Variants in GFRAL observed in about 807,000 individuals in gnomAD.
The protein encoded by GFRAL is GDNF family receptor alpha like.
GFRAL carries 36 observed loss-of-function variants against 45.4 expected under a neutral mutation model. The observed-to-expected ratio is 0.79, with a 90% confidence interval of 0.61 to 1.05. The LOEUF (loss-of-function observed/expected upper bound fraction) is 1.05, where lower values mean the gene tolerates loss of function less well. Among genes scored for constraint, GFRAL ranks in the 50% least tolerant of loss-of-function variants. The pLI, the probability that GFRAL is intolerant of heterozygous loss-of-function variation, is 0.00. For synonymous variants in GFRAL, 166 were observed against 154.1 expected (o/e 1.08, Z -0.57); for missense variants, 507 against 467.5 (o/e 1.08, Z -0.78).
At chr6:55,329,837 A>C (rs1463007432) in intron 1 of GFRAL, among the ~76,000 whole-genome samples, 1 of 152,090 alleles carries the variant, frequency 6.6e-6, no homozygotes, top group African/African-American at 2.4e-5. Flanking sequence ...AGATTTGCAA[A>C]GAGGTAAGAT....
At chr6:55,398,032 G>A (rs545517669) in intron 6 of GFRAL, among the ~76,000 whole-genome samples, 2 of 152,238 alleles carry the variant, frequency 1.3e-5, no homozygotes, top group South Asian at 4.2e-4. Flanking sequence ...TATAGCCTAG[G>A]CATGTGGTAG....
chr6:55,352,468 G>A (rs1465500343), intron 5 of GFRAL, among the ~76,000 whole-genome samples: 1 of 151,956 alleles, frequency 6.6e-6, no homozygotes, highest in East Asian at 1.9e-4. Context: ...GCAGATGCTG[G>A]GTGCTTATGA....
Position 55,397,254 on chromosome 6 carries a change from C to T in GFRAL, c.953-1926C>T, listed in dbSNP as rs1768838234. The stretch of plus-strand genomic sequence containing the variant: ...AAAATGCCGGCCGGGCGCGGTGGCT[C>T]ACGCCTGTAATCCCAGCACTTTGGG... On this transcript the variant is annotated intron_variant, in intron 6 of 8. Coordinates refer to ENST00000340465, the MANE Select transcript of GFRAL (RefSeq NM_207410.2). 2.6e-5 allele frequency among the ~76,000 whole-genome samples: 4 copies of T among 151,178 alleles called. No individual in the cohort carries two copies. The South Asian group carries it at 6.2e-4, about 24-fold the overall frequency.
At chr6:55,396,264 T>G (rs142610756) in intron 6 of GFRAL, among the ~76,000 whole-genome samples, 51 of 152,340 alleles carry the variant, frequency 3.3e-4, no homozygotes, top group African/African-American at 1.2e-3. Context: ...CACTGATCTA[T>G]TATAACGTTG....
At chr6:55,331,051 A>G (rs1351862470) in intron 1 of GFRAL, among the ~76,000 whole-genome samples, 1 of 152,182 alleles carries the variant, frequency 6.6e-6, no homozygotes, top group Non-Finnish European at 1.5e-5. Context: ...ACATTCAAGT[A>G]GAGATAACAA....
At chr6:55,368,889 C>A (rs1486629424) in intron 6 of GFRAL, among the ~76,000 whole-genome samples, 8 of 152,072 alleles carry the variant, frequency 5.3e-5, no homozygotes, top group Admixed American at 3.3e-4. Flanking sequence ...TTACTGCTGT[C>A]TTTTTGTTTG....
At chr6:55,395,169 A>T (rs1261508598) in intron 6 of GFRAL, among the ~76,000 whole-genome samples, 2 of 94,326 alleles carry the variant, frequency 2.1e-5, no homozygotes, top group Non-Finnish European at 4.1e-5. Context: ...ATGGAAAAAA[A>T]AAAAAAATAT....
intron 6 of GFRAL, among the ~76,000 whole-genome samples, chr6:55,395,993 T>C (rs1040003983): frequency 3.3e-5 from 5 of 152,130 alleles, no homozygotes; most frequent in African/African-American, 1.2e-4. Context: ...TGTTTATCTA[T>C]AAATAGAGCA....
intron 3 of GFRAL, among the ~76,000 whole-genome samples, chr6:55,338,802 A>C (rs749126631): frequency 5.9e-5 from 9 of 152,184 alleles, no homozygotes; most frequent in Non-Finnish European, 1.2e-4. Context: ...AAAGTATTTA[A>C]CACTGGAAAG....
chr6:55,372,269 A>G (rs1768461320), intron 6 of GFRAL, among the ~76,000 whole-genome samples: 1 of 152,182 alleles, frequency 6.6e-6, no homozygotes, highest in Non-Finnish European at 1.5e-5. Context: ...AAGTACTGCT[A>G]TAATCTTCCC....
At chr6:55,384,271 A>G (rs543702112) in intron 6 of GFRAL, among the ~76,000 whole-genome samples, 1 of 147,300 alleles carries the variant, frequency 6.8e-6, no homozygotes, top group Non-Finnish European at 1.5e-5. Flanking sequence ...TAAAGTATAT[A>G]AAAAAAACTC....
chr6:55,368,418 G>A (rs1183728328), intron 6 of GFRAL, among the ~76,000 whole-genome samples: 9 of 151,774 alleles, frequency 5.9e-5, no homozygotes, highest in East Asian at 1.9e-4. Context: ...TAATTTGATC[G>A]TTTGAAGCCT....
intron 6 of GFRAL, among the ~76,000 whole-genome samples, chr6:55,397,524 C>CAAAAAAAAAA (rs70986715): frequency 4.4e-5 from 3 of 67,422 alleles, no homozygotes; most frequent in South Asian, 7.8e-4. Context: ...GACTCCGTCT[C>CAAAAAAAAAA]AAAAAAAAAA....
At chr6:55,367,070 G>T (rs1232222384) in intron 6 of GFRAL, among the ~76,000 whole-genome samples, 2 of 71,154 alleles carry the variant, frequency 2.8e-5, no homozygotes, top group Non-Finnish European at 5.2e-5. Flanking sequence ...TAATGTGTGG[G>T]AGTCTAAGTC....
At chr6:55,387,580 G>T (rs73744246) in intron 6 of GFRAL, among the ~76,000 whole-genome samples, 4,095 of 152,074 alleles carry the variant, frequency 0.027, 187 homozygotes, top group African/African-American at 0.09. Flanking sequence ...TCTTAAAGAG[G>T]GACTCTTTAG....
intron 3 of GFRAL, among the ~76,000 whole-genome samples, chr6:55,336,561 A>T (rs1435056906): frequency 2.6e-5 from 4 of 152,208 alleles, no homozygotes; most frequent in African/African-American, 9.7e-5. Context: ...TTATATAGAA[A>T]TACAATTAAT....
At chr6:55,345,940 A>T (rs1768035518) in intron 3 of GFRAL, among the ~76,000 whole-genome samples, 1 of 152,244 alleles carries the variant, frequency 6.6e-6, no homozygotes, top group Non-Finnish European at 1.5e-5. Context: ...ACATGAAAAA[A>T]TGCTCACTAT....
intron 6 of GFRAL, among the ~76,000 whole-genome samples, chr6:55,377,500 A>G (rs1413464112): frequency 6.6e-6 from 1 of 152,054 alleles, no homozygotes; most frequent in Non-Finnish European, 1.5e-5. Flanking sequence ...AAGTTTACAG[A>G]TGCTTCTTCA....
At chr6:55,369,027 G>C (rs1023185790) in intron 6 of GFRAL, among the ~76,000 whole-genome samples, 8 of 152,004 alleles carry the variant, frequency 5.3e-5, no homozygotes, top group Middle Eastern at 3.4e-3. Context: ...AATGGCGGGC[G>C]CCCCTACCCC....
Sources: allele counts gnomAD v4.1 joint callset (sites outside exome capture counted in the v4.1 genomes callset), GRCh38; gene constraint gnomAD v4.1.1; transcripts MANE v1.5; gene names NCBI Gene and HGNC (gene_info 2026-07-23, HGNC 2026-07-21).